ILDR2: variants seen among roughly 807,000 people sequenced by gnomAD.
ILDR2 encodes immunoglobulin like domain containing receptor 2, also known as immunoglobulin-like domain-containing receptor 2.
Under a neutral mutation model 66.8 loss-of-function variants are expected in ILDR2, and 25 were observed. That is an observed-to-expected ratio of 0.37 (90% confidence interval 0.27 to 0.52). ILDR2 has a LOEUF of 0.52. Among genes scored for constraint, ILDR2 ranks in the 20% least tolerant of loss-of-function variants. The probability of loss-of-function intolerance (pLI) is 0.88; values close to 1 mark genes in which losing one functional copy is unlikely to be tolerated. For missense variants in ILDR2, 827 were observed against 876.8 expected (o/e 0.94, Z 0.72); for synonymous variants, 367 against 357.2 (o/e 1.03, Z -0.31).
In ILDR2 at chr1:166,927,063, T is replaced by C; in HGVS notation, c.994+4A>G. ...CAGATCACAGAAAACTAACAGATGC[T>C]CACATCTGCCTCTCATCCTTCTGGC... On this transcript the variant is annotated splice_donor_region_variant and intron_variant, in intron 7 of 9. Transcript: ENST00000271417. 6.3e-7 allele frequency: 1 copy of C among 1,586,610 alleles called. No homozygotes were observed. The highest frequency in any genetic ancestry group is 8.6e-7 in the Non-Finnish European group (1 of 1,157,352).
chr1:166,934,317 A>G (rs1660814809), intron 6 of ILDR2, among the ~76,000 whole-genome samples: 1 of 152,216 alleles, frequency 6.6e-6, no homozygotes, highest in African/African-American at 2.4e-5. Context: ...CTTATGATCT[A>G]TGATCTAGAC....
In ILDR2 at chr1:166,956,860, C is replaced by A. The variant is rs747893812; in HGVS notation, c.380-8G>T. ...CAATTTGAAGATCTGCATCTGTTATCACAAAAAGAAGGACTCAGTCCTAAA... is the reference window on the plus strand; with the variant it reads ...CAATTTGAAGATCTGCATCTGTTATAACAAAAAGAAGGACTCAGTCCTAAA... On this transcript the variant is annotated splice_polypyrimidine_tract_variant and splice_region_variant and intron_variant, in intron 2 of 9. Coordinates refer to ENST00000271417, the MANE Select transcript of ILDR2 (RefSeq NM_199351.3). The A allele has an allele frequency of 1.4e-5, 23 of 1,612,098 alleles. No homozygotes were observed. Among genetic ancestry groups the A allele is most frequent in the Non-Finnish European group, 2.0e-5 (23 of 1,179,302 alleles).
At chr1:166,950,757 ACG>A (rs1491573248) in intron 3 of ILDR2, among the ~76,000 whole-genome samples, 1 of 150,666 alleles carries the variant, frequency 6.6e-6, no homozygotes, top group Non-Finnish European at 1.5e-5. Flanking sequence ...ACACACACAC[ACG>A]CCTACCCATT....
At chr1:166,928,626 G>C (rs932815942) in intron 6 of ILDR2, among the ~76,000 whole-genome samples, 4 of 152,144 alleles carry the variant, frequency 2.6e-5, no homozygotes, top group African/African-American at 9.7e-5. Context: ...TATAGTGTCT[G>C]GCCATGTTAC....
rs1659434221 is a variant in ILDR2, at chr1:166,909,784, T to TATATAAATATATATAA, written c.*9570_*9571insTTATATATATTTATAT. The TATATAAATATATATAA allele has an allele frequency of 3.6e-5, 3 of 82,246 alleles. No homozygotes were observed. The highest frequency in any genetic ancestry group is 7.5e-5 in the Non-Finnish European group (3 of 40,064). 5.1% of individuals were successfully genotyped at this position (82,246 alleles called of 1,614,324 possible). ...AAATATATATAAATATATATATTTA[T>TATATAAATATATATAA]ATATATATATATATATATATATCCT... is the stretch of plus-strand genomic sequence containing the variant. On this transcript the variant is annotated 3_prime_UTR_variant, in exon 10 of 10. Transcript: ENST00000271417.
chr1:166,956,320 G>T (rs1662278199), intron 3 of ILDR2, among the ~76,000 whole-genome samples: 1 of 152,176 alleles, frequency 6.6e-6, no homozygotes, highest in Non-Finnish European at 1.5e-5. Flanking sequence ...AGTGGGAAAA[G>T]ATTCCTGATG....
intron 2 of ILDR2, among the ~76,000 whole-genome samples, chr1:166,957,097 T>C (rs537849081): frequency 6.6e-6 from 1 of 152,350 alleles, no homozygotes; most frequent in Admixed American, 6.5e-5. Flanking sequence ...AGTCTAGTTC[T>C]AGTGCAGTTT....
chr1:166,902,987 C>T (rs557474287), intron 2 of ILDR2, among the ~76,000 whole-genome samples: 7 of 152,260 alleles, frequency 4.6e-5, no homozygotes, highest in Non-Finnish European at 8.8e-5. Flanking sequence ...ATAATCTATC[C>T]TGTATATCCT....
chr1:166,950,440 T>C (rs1280576638), intron 3 of ILDR2, among the ~76,000 whole-genome samples: 2 of 152,090 alleles, frequency 1.3e-5, no homozygotes, highest in African/African-American at 4.8e-5. Flanking sequence ...TGGCAACAAG[T>C]AGCCTTTCTG....
downstream of ILDR2, among the ~76,000 whole-genome samples, chr1:166,903,763 G>C (rs898915162): frequency 6.6e-6 from 1 of 152,114 alleles, no homozygotes; most frequent in African/African-American, 2.4e-5. Context: ...CTTCCCTTCT[G>C]TTCCTCAAAC....
chr1:166,937,150 TA>T (rs758215824), intron 4 of ILDR2, among the ~76,000 whole-genome samples: 1 of 152,120 alleles, frequency 6.6e-6, no homozygotes, highest in Non-Finnish European at 1.5e-5. Flanking sequence ...TGTGAATACT[TA>T]TTTTTATTTT....
chr1:166,968,952 C>T (rs891107157), intron 1 of ILDR2, among the ~76,000 whole-genome samples: 9 of 152,078 alleles, frequency 5.9e-5, no homozygotes, highest in African/African-American at 1.7e-4. Flanking sequence ...GAGATTTGGG[C>T]GCTGCTTGTT....
At chr1:166,961,934 C>A (rs1662642189) in intron 1 of ILDR2, among the ~76,000 whole-genome samples, 1 of 152,140 alleles carries the variant, frequency 6.6e-6, no homozygotes. Flanking sequence ...TAGAGAGTAA[C>A]CCTGCACGTG....
rs1659597885 is a variant in ILDR2, at chr1:166,915,291, G to A, written c.*4064C>T. 1 of 152,268 alleles carries A rather than the reference G, an allele frequency of 6.6e-6. No individual in the cohort carries two copies. 9.4% of individuals were successfully genotyped at this position (152,268 alleles called of 1,614,324 possible). On this transcript the variant is annotated 3_prime_UTR_variant, in exon 10 of 10. Coordinates refer to ENST00000271417, the MANE Select transcript of ILDR2 (RefSeq NM_199351.3). The stretch of plus-strand genomic sequence containing the variant: ...CACAGCCAGCCCCAAAGGATTGAGA[G>A]GGACCTCACCAGGACATTTGAAGAA...
At chr1:166,929,073 C>T (rs1660473537) in intron 6 of ILDR2, among the ~76,000 whole-genome samples, 3 of 152,178 alleles carry the variant, frequency 2.0e-5, no homozygotes, top group Admixed American at 2.0e-4. Context: ...GAGACTCCAG[C>T]CTGGGAAGTG....
Position 166,921,145 on chromosome 1 carries a change from G to A in ILDR2, c.1446C>T (p.Ser482=). ...CATCGGTCAGGGGCTCGCGGCTGCG[G>A]CTGCGCTGACCGTAGTACTCCTCCA... The part of the protein sequence containing the change: ...DSLEEYYGQR[S]RSREPLTDAD... The change falls in exon 9 of 10, where the codon AGC becomes AGT. Residue 482 remains serine (S), a synonymous_variant. Coordinates refer to ENST00000271417, the MANE Select transcript of ILDR2 (RefSeq NM_199351.3). The surrounding 1 kb of genome is among the most constrained non-coding windows in gnomAD (Gnocchi z 5.3). The A allele has an allele frequency of 6.5e-7, 1 of 1,532,960 alleles. No individual in the cohort carries two copies. The highest frequency in any genetic ancestry group is 8.7e-7 in the Non-Finnish European group (1 of 1,145,526). 95.0% of individuals were successfully genotyped at this position (1,532,960 alleles called of 1,614,324 possible). A position where few individuals can be genotyped will look rare whatever the true frequency, so the allele number is the denominator to read the frequency against.
intron 4 of ILDR2, among the ~76,000 whole-genome samples, chr1:166,937,265 G>T (rs1286203546): frequency 6.6e-6 from 1 of 152,192 alleles, no homozygotes; most frequent in Non-Finnish European, 1.5e-5. Context: ...GGCCCCTTTT[G>T]TAATGTATTC....
intron 2 of ILDR2, among the ~76,000 whole-genome samples, chr1:166,897,912 AT>A (rs997185508): frequency 6.6e-6 from 1 of 152,216 alleles, no homozygotes; most frequent in Non-Finnish European, 1.5e-5. Context: ...AAACTCCAAA[AT>A]TTGTAGCCAG....
intron 1 of ILDR2, among the ~76,000 whole-genome samples, chr1:166,962,821 T>A (rs946468690): frequency 1.5e-4 from 23 of 152,240 alleles, no homozygotes; most frequent in African/African-American, 5.5e-4. Flanking sequence ...TATGTAACTA[T>A]ACATTTGAAT....
Sources: allele counts gnomAD v4.1 joint callset (sites outside exome capture counted in the v4.1 genomes callset), GRCh38; gene constraint gnomAD v4.1.1; non-coding constraint Gnocchi (gnomAD v3.1); transcripts MANE v1.5; gene names NCBI Gene and HGNC (gene_info 2026-07-23, HGNC 2026-07-21).